Variants in SEPTIN7 observed in about 807,000 individuals in gnomAD.
SEPTIN7 encodes the protein septin 7, also known as septin-7.
A neutral mutation model predicts 63.3 loss-of-function variants in SEPTIN7; 10 were observed. The observed-to-expected ratio is 0.16, with a 90% confidence interval of 0.10 to 0.27. The LOEUF (loss-of-function observed/expected upper bound fraction) is 0.27. SEPTIN7 is among the 10% of genes least tolerant of loss of function. The probability of loss-of-function intolerance (pLI) is 1.00; values close to 1 mark genes in which losing one functional copy is unlikely to be tolerated. For missense variants in SEPTIN7, 310 were observed against 521.0 expected (o/e 0.59, Z 3.94); for synonymous variants, 131 against 165.3 (o/e 0.79, Z 1.59).
chr7:35,862,330 TTTA>T (rs1785552861), intron 3 of SEPTIN7, among the ~76,000 whole-genome samples: 1 of 152,166 alleles, frequency 6.6e-6, no homozygotes, highest in Non-Finnish European at 1.5e-5. Flanking sequence ...CTAAACACAA[TTTA>T]TTGAGTACAG....
chr7:35,869,485 C>T (rs1436153774), intron 4 of SEPTIN7, among the ~76,000 whole-genome samples: 1 of 152,136 alleles, frequency 6.6e-6, no homozygotes, highest in Non-Finnish European at 1.5e-5. Flanking sequence ...GGCTGTAATG[C>T]TACCTCTTGA....
intron 3 of SEPTIN7, among the ~76,000 whole-genome samples, chr7:35,839,340 G>T (rs527424367): frequency 1.3e-5 from 2 of 152,168 alleles, no homozygotes; most frequent in East Asian, 3.9e-4. Flanking sequence ...TCCAGCTGTG[G>T]CTATCTGATA....
At chr7:35,902,894 G>T in intron 12 of SEPTIN7, 182 bp from the exon 13 acceptor site, 2 of 863,644 alleles carry the variant, frequency 2.3e-6, no homozygotes, top group Non-Finnish European at 3.1e-6. Context: ...CTGGCCTTTT[G>T]GGTGGCAGGT....
At chr7:35,897,250 A>G (rs1161515645) in intron 11 of SEPTIN7, among the ~76,000 whole-genome samples, 1 of 152,208 alleles carries the variant, frequency 6.6e-6, no homozygotes, top group East Asian at 1.9e-4. Context: ...AGCATGCTTT[A>G]TTAACAAAGC....
Position 35,871,238 on chromosome 7 carries a change from T to C in SEPTIN7, c.277-1428T>C, listed in dbSNP as rs775927303. ...TTTGGCATCTCATTTCTCTAAAAGA[T>C]AAGTCATGTGTGTCCACATCTCAGG... On this transcript the variant is annotated intron_variant, in intron 4 of 13. Transcript: ENST00000350320. 5.5e-4 allele frequency among the ~76,000 whole-genome samples: 83 copies of C among 152,202 alleles called. 1 individual carries two copies. Among genetic ancestry groups the C allele is most frequent in the Non-Finnish European group, 2.6e-4 (18 of 68,020 alleles).
At chr7:35,878,512 G>A (rs1157000410) in intron 6 of SEPTIN7, among the ~76,000 whole-genome samples, 1 of 152,102 alleles carries the variant, frequency 6.6e-6, no homozygotes, top group Non-Finnish European at 1.5e-5. Flanking sequence ...AAGATTTTTG[G>A]TCAGGTCATA....
chr7:35,819,354 T>C (rs1442963488), intron 1 of SEPTIN7, among the ~76,000 whole-genome samples: 1 of 152,174 alleles, frequency 6.6e-6, no homozygotes, highest in East Asian at 1.9e-4. Context: ...GAGACGTGTT[T>C]TGTGATCTAA....
intron 4 of SEPTIN7, among the ~76,000 whole-genome samples, chr7:35,865,981 A>T (rs1785788418): frequency 6.6e-6 from 1 of 152,214 alleles, no homozygotes; most frequent in Non-Finnish European, 1.5e-5. Flanking sequence ...AACTCTCTTT[A>T]TCTTGAAAAC....
intron 1 of SEPTIN7, among the ~76,000 whole-genome samples, chr7:35,806,307 T>C (rs1788336696): frequency 6.6e-6 from 1 of 152,248 alleles, no homozygotes; most frequent in South Asian, 2.1e-4. Flanking sequence ...GTATTAAAAG[T>C]TTATCATTAA....
At chr7:35,806,971 A>G (rs1487186556) in intron 1 of SEPTIN7, among the ~76,000 whole-genome samples, 1 of 152,236 alleles carries the variant, frequency 6.6e-6, no homozygotes, top group Non-Finnish European at 1.5e-5. Flanking sequence ...CAGGAAAATC[A>G]AAACTATTTT....
In SEPTIN7 at chr7:35,863,471, G is replaced by A; in HGVS notation, c.170-81G>A. On this transcript the variant is annotated intron_variant, in intron 3 of 13. Coordinates refer to ENST00000350320, the MANE Select transcript of SEPTIN7 (RefSeq NM_001788.6). ...ACCAAGAAGTACTTGCATAAGGCAA[G>A]TTTGATTATAGCATCTGTTGAATAT... 7.7e-6 allele frequency: 6 copies of A among 780,522 alleles called. No homozygotes were observed. In the South Asian group the frequency reaches 1.0e-4, roughly 14 times the overall value. 48.3% of individuals were successfully genotyped at this position (780,522 alleles called of 1,614,324 possible).
At chr7:35,857,052 A>G (rs986330004) in intron 3 of SEPTIN7, among the ~76,000 whole-genome samples, 20 of 152,178 alleles carry the variant, frequency 1.3e-4, no homozygotes, top group African/African-American at 4.3e-4. Context: ...GGAGGTAAAT[A>G]GTACAGTCAA....
At chr7:35,845,461 T>A (rs1309356358) in intron 3 of SEPTIN7, among the ~76,000 whole-genome samples, 5 of 152,194 alleles carry the variant, frequency 3.3e-5, no homozygotes, top group Admixed American at 6.5e-5. Flanking sequence ...TTATAAACAT[T>A]CGGGGCAAAT....
At chr7:35,860,962 T>A (rs1175576650) in intron 3 of SEPTIN7, among the ~76,000 whole-genome samples, 1 of 152,206 alleles carries the variant, frequency 6.6e-6, no homozygotes, top group Non-Finnish European at 1.5e-5. Flanking sequence ...TATATATTGG[T>A]CCAATTGATT....
downstream of SEPTIN7, among the ~76,000 whole-genome samples, chr7:35,910,747 C>T (rs1207019078): frequency 6.6e-6 from 1 of 152,178 alleles, no homozygotes. Flanking sequence ...CTGAATCTAG[C>T]ATTATTAACT....
rs147780768 is a variant in SEPTIN7 at position 35,802,829 on chromosome 7, G to C, written c.61+1559G>C. 1.4e-3 allele frequency among the ~76,000 whole-genome samples: 215 copies of C among 152,282 alleles called. 3 individuals are homozygous for C. Among genetic ancestry groups the C allele is most frequent in the East Asian group, 9.6e-4 (5 of 5,182 alleles). On this transcript the variant is annotated intron_variant, in intron 1 of 13. Coordinates refer to ENST00000350320, the MANE Select transcript of SEPTIN7 (RefSeq NM_001788.6). The stretch of plus-strand genomic sequence containing the variant: ...GTGGTGATGGGGGGGTGGTACGGTC[G>C]TGGCGGGAGAGCAGTAAACAATCTT...
intron 3 of SEPTIN7, among the ~76,000 whole-genome samples, chr7:35,848,443 T>G (rs10951452): frequency 1.5e-3 from 228 of 151,098 alleles, no homozygotes; most frequent in African/African-American, 4.8e-3. Flanking sequence ...AATTTTTTGG[T>G]TTTTTTTTAG....
chr7:35,841,454 G>C (rs999117278), intron 3 of SEPTIN7, among the ~76,000 whole-genome samples: 1 of 152,124 alleles, frequency 6.6e-6, no homozygotes, highest in African/African-American at 2.4e-5. Flanking sequence ...AGAAACTCCA[G>C]TGTCGAAAAA....
In SEPTIN7 at chr7:35,879,960, C is replaced by T; in HGVS notation, c.630+20C>T. The T allele has an allele frequency of 7.2e-7, 1 of 1,393,568 alleles. No individual in the cohort carries two copies. Among genetic ancestry groups the T allele is most frequent in the Non-Finnish European group, 1.0e-6 (1 of 997,856 alleles). 86.3% of individuals were successfully genotyped at this position (1,393,568 alleles called of 1,614,324 possible). A position where few individuals can be genotyped will look rare whatever the true frequency, so the allele number is the denominator to read the frequency against. On this transcript the variant is annotated intron_variant, in intron 7 of 13. Transcript: ENST00000350320. The stretch of plus-strand genomic sequence containing the variant: ...AAACAGGTGAGCAGGATGTGTTAAC[C>T]CAGGTTTCTTATACCGTTCTCATAA...
Sources: allele counts gnomAD v4.1 joint callset (sites outside exome capture counted in the v4.1 genomes callset), GRCh38; gene constraint gnomAD v4.1.1; transcripts MANE v1.5; gene names NCBI Gene and HGNC (gene_info 2026-07-23, HGNC 2026-07-21).